The following CDS2 variants were observed in gnomAD, a reference collection of about 807,000 sequenced individuals.
CDS2 encodes phosphatidate cytidylyltransferase 2.
Under a neutral mutation model 59.0 loss-of-function variants are expected in CDS2, and 47 were observed. The observed-to-expected ratio is 0.80, with a 90% confidence interval of 0.63 to 1.02. The LOEUF (loss-of-function observed/expected upper bound fraction) is 1.02. CDS2 is among the 50% of genes least tolerant of loss of function. The pLI, the probability that CDS2 is intolerant of heterozygous loss-of-function variation, is 0.00. For synonymous variants in CDS2, 207 were observed against 206.4 expected, an observed-to-expected ratio of 1.00 and a Z score of -0.02; for missense variants, 356 against 558.9, an observed-to-expected ratio of 0.64 and a Z score of 3.66.
intron 1 of CDS2, among the ~76,000 whole-genome samples, chr20:5,170,352 AGCT>A (rs1368926419): frequency 6.6e-6 from 1 of 152,168 alleles, no homozygotes; most frequent in Non-Finnish European, 1.5e-5. Flanking sequence ...CCTCTGTGGA[AGCT>A]GCCGCTGGCA....
chr20:5,171,722 C>T (rs752175670), intron 1 of CDS2, among the ~76,000 whole-genome samples: 20 of 152,220 alleles, frequency 1.3e-4, no homozygotes, highest in Non-Finnish European at 2.5e-4. Flanking sequence ...TTGGTTATGT[C>T]GCTTCAAGGA....
intron 1 of CDS2, among the ~76,000 whole-genome samples, chr20:5,133,414 G>A (rs767363059): frequency 5.3e-5 from 8 of 152,030 alleles, no homozygotes; most frequent in Admixed American, 1.3e-4. Flanking sequence ...CATGGCACCC[G>A]GCTTGAGGTA....
At chr20:5,173,707 G>A (rs1443525476) in intron 2 of CDS2, 48 bp downstream of exon 2, 1 of 1,607,072 alleles carries the variant, frequency 6.2e-7, no homozygotes, top group Non-Finnish European at 8.5e-7. Context: ...TTTGCACCAT[G>A]TCCAAGTGCC....
intron 1 of CDS2, among the ~76,000 whole-genome samples, chr20:5,133,071 T>C (rs1017123798): frequency 2.0e-5 from 3 of 151,072 alleles, no homozygotes; most frequent in Admixed American, 6.6e-5. Context: ...CTCAGGAGGC[T>C]GAGGAGAATG....
chr20:5,181,682 G>A (rs115715555), intron 5 of CDS2, among the ~76,000 whole-genome samples: 1,972 of 152,274 alleles, frequency 0.013, 52 homozygotes, highest in African/African-American at 0.043. Flanking sequence ...TGCAAACATT[G>A]TAGAGTGTAC....
chr20:5,167,492 A>G (rs1315674184), intron 1 of CDS2, among the ~76,000 whole-genome samples: 1 of 152,188 alleles, frequency 6.6e-6, no homozygotes, highest in Non-Finnish European at 1.5e-5. Flanking sequence ...GTTATTCCCA[A>G]CAATATACAC....
chr20:5,129,474 G>A (rs1193097711), intron 1 of CDS2, among the ~76,000 whole-genome samples: 2 of 139,656 alleles, frequency 1.4e-5, no homozygotes, highest in Non-Finnish European at 3.1e-5. Flanking sequence ...AGGGAGTTTC[G>A]CTCTTTTGCC....
intron 1 of CDS2, among the ~76,000 whole-genome samples, chr20:5,168,417 CAAAAAA>C (rs71332877): frequency 1.4e-5 from 1 of 71,534 alleles, no homozygotes; most frequent in Non-Finnish European, 2.9e-5. Flanking sequence ...TCTGTCCCCC[CAAAAAA>C]AAAAAAAAAA....
At position 5,173,701 on chromosome 20, in the gene CDS2, C is replaced by T. The variant is rs115625273; in HGVS notation, c.194+42C>T. 6.1e-4 allele frequency: 981 copies of T among 1,609,278 alleles called. 3 individuals are homozygous for T. In the African/African-American group the frequency reaches 0.012, roughly 19 times the overall value. On this transcript the variant is annotated intron_variant, in intron 2 of 12. Coordinates refer to ENST00000460006, the MANE Select transcript of CDS2 (RefSeq NM_003818.4). Reference sequence around the variant, plus strand: ...ATGCAGGTGCTTGTTGGGGGCTTTGCACCATGTCCAAGTGCCCTGGAAGAG... The same window carrying T: ...ATGCAGGTGCTTGTTGGGGGCTTTGTACCATGTCCAAGTGCCCTGGAAGAG...
intron 2 of CDS2, among the ~76,000 whole-genome samples, chr20:5,174,463 A>G (rs1401195466): frequency 6.6e-6 from 1 of 152,190 alleles, no homozygotes; most frequent in Non-Finnish European, 1.5e-5. Context: ...CAGGCCGGGT[A>G]TGGTGGCTCA....
intron 4 of CDS2, among the ~76,000 whole-genome samples, chr20:5,177,211 C>T (rs554698725): frequency 2.6e-5 from 4 of 152,086 alleles, no homozygotes; most frequent in Non-Finnish European, 5.9e-5. Context: ...TTTTTCATGC[C>T]GTCATATCTC....
chr20:5,131,952 T>G (rs928541466), intron 1 of CDS2, among the ~76,000 whole-genome samples: 80 of 152,366 alleles, frequency 5.3e-4, no homozygotes, highest in African/African-American at 1.9e-3. Context: ...TAGAAAAAAC[T>G]TTAATATTCA....
intron 1 of CDS2, among the ~76,000 whole-genome samples, chr20:5,147,292 A>G (rs1431352931): frequency 6.6e-6 from 1 of 152,160 alleles, no homozygotes; most frequent in Non-Finnish European, 1.5e-5. Flanking sequence ...AGTAGATGAG[A>G]CCAGTTGTGG....
At chr20:5,177,786 C>A (rs190800889) in intron 4 of CDS2, among the ~76,000 whole-genome samples, 61 of 152,340 alleles carry the variant, frequency 4.0e-4, no homozygotes, top group African/African-American at 1.3e-3. Flanking sequence ...AACAGACAGG[C>A]TGCCTCCCAG....
intron 1 of CDS2, 85 bp downstream of exon 1, chr20:5,127,234 G>C (rs1568523590): frequency 8.1e-7 from 1 of 1,240,026 alleles, no homozygotes; most frequent in East Asian, 3.2e-5. Context: ...GGGTCGTCTT[G>C]TTCTCTGACC....
At chr20:5,158,093 T>C (rs578201847) in intron 1 of CDS2, among the ~76,000 whole-genome samples, 1 of 152,254 alleles carries the variant, frequency 6.6e-6, no homozygotes, top group South Asian at 2.1e-4. Flanking sequence ...GTATTTTATA[T>C]GTGGCCCAAG....
intron 1 of CDS2, among the ~76,000 whole-genome samples, chr20:5,136,448 C>T (rs1446772258): frequency 6.6e-6 from 1 of 152,158 alleles, no homozygotes; most frequent in Non-Finnish European, 1.5e-5. Flanking sequence ...GTTTGTTGCT[C>T]TTGGAGACTT....
intron 1 of CDS2, among the ~76,000 whole-genome samples, chr20:5,136,747 G>T (rs974597152): frequency 6.6e-6 from 1 of 152,064 alleles, no homozygotes; most frequent in African/African-American, 2.4e-5. Context: ...TTTTCATAAT[G>T]CTTAAACTTT....
At position 5,183,048 on chromosome 20, in the gene CDS2, C is replaced by CT. The variant is rs201113555; in HGVS notation, c.589-5dup. The CT allele has an allele frequency of 1.4e-3, 2,268 of 1,606,734 alleles. 27 individuals carry two copies. In the African/African-American group the frequency reaches 0.026, roughly 18 times the overall value. ...AAACTGGTAAGTAGTGTTTATTTTT[C>CT]TTTTTTTTGCAGTTTGGCTGGACCC... On this transcript the variant is annotated splice_polypyrimidine_tract_variant and intron_variant, in intron 6 of 12. Coordinates refer to ENST00000460006, the MANE Select transcript of CDS2 (RefSeq NM_003818.4).
Sources: allele counts gnomAD v4.1 joint callset (sites outside exome capture counted in the v4.1 genomes callset), GRCh38; gene constraint gnomAD v4.1.1; transcripts MANE v1.5; gene names NCBI Gene and HGNC (gene_info 2026-07-23, HGNC 2026-07-21).